Variants in TMEM117 observed in about 807,000 individuals in gnomAD.
The protein encoded by TMEM117 is transmembrane protein 117.
In TMEM117, 27 loss-of-function variants were observed where a neutral mutation model predicts 52.4. The observed-to-expected ratio is 0.51, with a 90% CI of 0.38 to 0.71. The LOEUF (loss-of-function observed/expected upper bound fraction) is 0.71, where lower values mean the gene tolerates loss of function less well. Ranked by LOEUF, TMEM117 falls within the 30% of genes least tolerant of loss-of-function variation. TMEM117 has a pLI of 0.00. For missense variants in TMEM117, 556 were observed against 630.5 expected, an observed-to-expected ratio of 0.88 and a Z score of 1.26; for synonymous variants, 215 against 206.3, an observed-to-expected ratio of 1.04 and a Z score of -0.36.
intron 3 of TMEM117, among the ~76,000 whole-genome samples, chr12:44,047,159 T>C (rs1946893239): frequency 6.6e-6 from 1 of 152,160 alleles, no homozygotes; most frequent in Non-Finnish European, 1.5e-5. Flanking sequence ...CTATTAGTTC[T>C]GTCCTTCTAG....
chr12:43,798,572 T>C, the TMEM117 span: 1 of 1,526,402 alleles, frequency 6.6e-7, no homozygotes. Context: ...TACCCCAATA[T>C]GATCCTCTGG....
In TMEM117 at chr12:44,103,170, T is replaced by A. The variant is rs2138080653; in HGVS notation, c.411-40355T>A. On this transcript the variant is annotated intron_variant, in intron 3 of 7. Coordinates refer to ENST00000266534, the MANE Select transcript of TMEM117 (RefSeq NM_032256.3). ...AGAGGCATTTTTATGATCACTTACT[T>A]TACATTACTTTATAAGGTCTTCTTT... Among the ~76,000 whole-genome samples the A allele has an allele frequency of 2.6e-5, 4 of 152,106 alleles. 1 individual carries two copies. In the South Asian group the frequency reaches 6.2e-4, roughly 24 times the overall value.
In TMEM117 at chr12:44,121,987, G is replaced by A. The variant is rs73288056; in HGVS notation, c.411-21538G>A. Among the ~76,000 whole-genome samples the A allele has an allele frequency of 5.1e-3, 777 of 151,916 alleles. 6 individuals carry two copies. Among genetic ancestry groups the A allele is most frequent in the African/African-American group, 0.018 (732 of 41,420 alleles). ...TCTGTTCCTGTGTTAATTCACTTAC[G>A]GTAATAGCCTCCAGCTCCATCCATG... On this transcript the variant is annotated intron_variant, in intron 3 of 7. Transcript: ENST00000266534.
At chr12:43,839,252 A>G (rs1343202689) in intron 1 of TMEM117, among the ~76,000 whole-genome samples, 2 of 152,044 alleles carry the variant, frequency 1.3e-5, no homozygotes, top group African/African-American at 4.8e-5. Flanking sequence ...CAGGAAACAG[A>G]CAGGCCTTTC....
chr12:44,305,485 G>T (rs542807542), intron 6 of TMEM117, among the ~76,000 whole-genome samples: 39 of 151,346 alleles, frequency 2.6e-4, no homozygotes, highest in African/African-American at 9.2e-4. Context: ...ATCTAAAATT[G>T]GGCAAAAGAA....
chr12:43,795,815 TTTCAGGTA>T, the TMEM117 span: 1 of 1,564,602 alleles, frequency 6.4e-7, no homozygotes, highest in Non-Finnish European at 8.7e-7. Context: ...ACAAGCTGGT[TTTCAGGTA>T]TATGAATGCT....
intron 3 of TMEM117, among the ~76,000 whole-genome samples, chr12:44,064,506 A>C (rs777259538): frequency 1.3e-5 from 2 of 152,106 alleles, no homozygotes; most frequent in Non-Finnish European, 2.9e-5. Flanking sequence ...GGCTCTTTGA[A>C]GGAGTGTGTG....
intron 5 of TMEM117, among the ~76,000 whole-genome samples, chr12:44,289,499 A>G (rs1195611079): frequency 1.3e-5 from 2 of 149,320 alleles, no homozygotes; most frequent in East Asian, 1.9e-4. Context: ...ATCAATTTAC[A>G]TTACCATTCC....
chr12:44,387,408 A>G (rs907031344), intron 7 of TMEM117, among the ~76,000 whole-genome samples: 2 of 152,012 alleles, frequency 1.3e-5, no homozygotes, highest in African/African-American at 4.8e-5. Context: ...TTCATAAGGT[A>G]TGGTTACATT....
chr12:44,006,559 A>G (rs892781437), intron 3 of TMEM117, among the ~76,000 whole-genome samples: 2 of 152,168 alleles, frequency 1.3e-5, no homozygotes, highest in African/African-American at 4.8e-5. Context: ...CCTTGAGAAG[A>G]GGGCCCAGGT....
At chr12:43,869,895 T>C (rs1943673471) in intron 2 of TMEM117, among the ~76,000 whole-genome samples, 1 of 152,180 alleles carries the variant, frequency 6.6e-6, no homozygotes, top group Non-Finnish European at 1.5e-5. Flanking sequence ...TAACTTTTAT[T>C]CCTGATCCTC....
chr12:44,087,511 G>T (rs1468197785), intron 3 of TMEM117, among the ~76,000 whole-genome samples: 5 of 152,056 alleles, frequency 3.3e-5, no homozygotes, highest in African/African-American at 4.8e-5. Flanking sequence ...AATCATGTTG[G>T]AGTGCAGTGG....
chr12:44,146,985 A>G (rs577174251), intron 4 of TMEM117, among the ~76,000 whole-genome samples: 2 of 152,194 alleles, frequency 1.3e-5, no homozygotes, highest in Non-Finnish European at 2.9e-5. Flanking sequence ...CCCTCACATT[A>G]CAGAGCTTCA....
chr12:44,281,652 G>C (rs956527241), intron 5 of TMEM117, among the ~76,000 whole-genome samples: 4 of 151,864 alleles, frequency 2.6e-5, no homozygotes, highest in Non-Finnish European at 5.9e-5. Flanking sequence ...TTTAACAACA[G>C]GTAAAAGATG....
chr12:44,352,825 T>G (rs1329170570), intron 6 of TMEM117, among the ~76,000 whole-genome samples: 3 of 152,152 alleles, frequency 2.0e-5, no homozygotes, highest in Non-Finnish European at 4.4e-5. Context: ...ATGGGATGGT[T>G]GGGTCAAATG....
intron 2 of TMEM117, among the ~76,000 whole-genome samples, chr12:43,908,793 C>G (rs1222952315): frequency 1.3e-5 from 2 of 151,618 alleles, no homozygotes; most frequent in East Asian, 4.0e-4. Context: ...ACAAGAAGAG[C>G]TAACTATCCT....
At chr12:44,153,092 A>C (rs1304529254) in intron 4 of TMEM117, among the ~76,000 whole-genome samples, 2 of 151,808 alleles carry the variant, frequency 1.3e-5, no homozygotes, top group Admixed American at 6.6e-5. Context: ...TTCAAGTTCT[A>C]ATCTCAGCTA....
chr12:44,371,198 C>T lies in TMEM117; in HGVS notation c.769-5397C>T, dbSNP rs1482083385. ...TAGGACACTGCTAAGCATAGCAAAGCTAAGGACACTTTACAAGCTGGGGAA... is the reference window on the plus strand; with the variant it reads ...TAGGACACTGCTAAGCATAGCAAAGTTAAGGACACTTTACAAGCTGGGGAA... On this transcript the variant is annotated intron_variant, in intron 6 of 7. Transcript: ENST00000266534. Among the ~76,000 whole-genome samples, 7 of 152,226 alleles carry T rather than the reference C, an allele frequency of 4.6e-5. No individual in the cohort carries two copies. The East Asian group carries it at 1.4e-3, about 29-fold the overall frequency.
At chr12:43,958,238 A>G (rs1448784244) in intron 3 of TMEM117, among the ~76,000 whole-genome samples, 1 of 152,202 alleles carries the variant, frequency 6.6e-6, no homozygotes, top group Non-Finnish European at 1.5e-5. Flanking sequence ...TATAATGATA[A>G]ATACTGTGTC....
Sources: gnomAD v4.1 joint callset for allele counts (sites outside exome capture counted in the v4.1 genomes callset) on GRCh38, gnomAD v4.1.1 for gene constraint, MANE v1.5 for transcripts, NCBI Gene and HGNC (gene_info 2026-07-23, HGNC 2026-07-21) for gene names.